The following DAGLA variants were observed in gnomAD, a reference collection of about 807,000 sequenced individuals.
DAGLA encodes diacylglycerol lipase alpha, also known as diacylglycerol lipase-alpha.
DAGLA carries 22 observed loss-of-function variants against 102.6 expected under a neutral mutation model. That is an observed-to-expected ratio of 0.21 (90% confidence interval 0.15 to 0.31). The LOEUF (loss-of-function observed/expected upper bound fraction) is 0.31, where lower values mean the gene tolerates loss of function less well. Ranked by LOEUF, DAGLA falls within the 10% of genes least tolerant of loss-of-function variation. The probability of loss-of-function intolerance (pLI) is 1.00; values close to 1 mark genes in which losing one functional copy is unlikely to be tolerated. For synonymous variants in DAGLA, 578 were observed against 628.9 expected (o/e 0.92, Z 1.21); for missense variants, 927 against 1,446.6 (o/e 0.64, Z 5.83).
intron 1 of DAGLA, among the ~76,000 whole-genome samples, chr11:61,717,926 CTT>C (rs1284590754): frequency 6.6e-6 from 1 of 152,234 alleles, no homozygotes; most frequent in African/African-American, 2.4e-5. Context: ...CGGCTCACTC[CTT>C]CCAGCCTGAG....
intron 1 of DAGLA, among the ~76,000 whole-genome samples, chr11:61,691,779 G>T (rs999204710): frequency 6.6e-6 from 1 of 152,214 alleles, no homozygotes; most frequent in Non-Finnish European, 1.5e-5. Context: ...CAGGCCAGAC[G>T]GTCTGGCTGC....
Position 61,734,449 on chromosome 11 carries a change from TG to T in DAGLA, c.975-396del, listed in dbSNP as rs1372026869. ...AAGCATCTGGGTGTTGGGGCAGGCC[TG>T]GGGTGGATTCCTGAGCATGCAGATG... On this transcript the variant is annotated intron_variant, in intron 9 of 19. Transcript: ENST00000257215. The surrounding 1 kb of genome is among the most constrained non-coding windows in gnomAD (Gnocchi z 4.2). 6.6e-6 allele frequency among the ~76,000 whole-genome samples: 1 copy of T among 151,964 alleles called. No individual in the cohort carries two copies. Among genetic ancestry groups the T allele is most frequent in the African/African-American group, 2.4e-5 (1 of 41,338 alleles).
intron 1 of DAGLA, among the ~76,000 whole-genome samples, chr11:61,682,038 G>C (rs2064946926): frequency 1.1e-5 from 1 of 91,822 alleles, no homozygotes; most frequent in South Asian, 4.6e-4. Context: ...TGATGTTGAG[G>C]GTAGGGTGGC....
chr11:61,738,831 C>A (rs1333488426), intron 16 of DAGLA, among the ~76,000 whole-genome samples: 1 of 152,176 alleles, frequency 6.6e-6, no homozygotes, highest in Admixed American at 6.5e-5. Flanking sequence ...ACCCCCTGCC[C>A]CCCGCCCCCT....
rs892853412 is a variant in DAGLA, at chr11:61,686,889, G to T, written c.-45+6385G>T. On this transcript the variant is annotated intron_variant, in intron 1 of 19. Transcript: ENST00000257215. The surrounding 1 kb of genome is among the most constrained non-coding windows in gnomAD (Gnocchi z 5.2). The stretch of plus-strand genomic sequence containing the variant: ...CTGCTCCTGATGGGCAGGCCACACC[G>T]TGGAGTGGGCTCCCTGGGGCTGCAC... Among the ~76,000 whole-genome samples the T allele has an allele frequency of 3.9e-5, 6 of 152,138 alleles. No individual in the cohort carries two copies. The highest frequency in any genetic ancestry group is 3.2e-3 in the Middle Eastern group (1 of 316).
chr11:61,688,438 A>G (rs753842183), intron 1 of DAGLA, among the ~76,000 whole-genome samples: 2 of 152,126 alleles, frequency 1.3e-5, no homozygotes, highest in African/African-American at 2.4e-5. Context: ...CCCACCCTCT[A>G]AGCCACCCCA....
chr11:61,710,120 G>T (rs1303698060), intron 1 of DAGLA, among the ~76,000 whole-genome samples: 1 of 152,118 alleles, frequency 6.6e-6, no homozygotes, highest in Non-Finnish European at 1.5e-5. Context: ...GAAGTGGAAG[G>T]TACTAATTCT....
At chr11:61,688,743 C>T (rs2065003841) in intron 1 of DAGLA, among the ~76,000 whole-genome samples, 1 of 152,194 alleles carries the variant, frequency 6.6e-6, no homozygotes, top group African/African-American at 2.4e-5. Flanking sequence ...GAGGATAGCT[C>T]GCCAGGCAGC....
intron 1 of DAGLA, among the ~76,000 whole-genome samples, chr11:61,695,050 G>A (rs973384815): frequency 1.3e-5 from 2 of 152,152 alleles, no homozygotes; most frequent in African/African-American, 4.8e-5. Flanking sequence ...CTGTGTACTC[G>A]CAAGCGTGTT....
chr11:61,739,784 C>T (rs1393069569), intron 17 of DAGLA, 123 bp downstream of exon 17: 1 of 1,008,224 alleles, frequency 9.9e-7, no homozygotes, highest in Non-Finnish European at 1.4e-6. Flanking sequence ...AGAAGATGGC[C>T]CAGGGCCTCC....
At chr11:61,736,077 C>T (rs1166545965) in intron 12 of DAGLA, among the ~76,000 whole-genome samples, 193 bp from the exon 13 acceptor site, 2 of 152,186 alleles carry the variant, frequency 1.3e-5, no homozygotes, top group Non-Finnish European at 2.9e-5. Context: ...CACACTGCCC[C>T]TCTGAGCCTC....
chr11:61,728,731 A>G (rs2065351265), intron 7 of DAGLA, among the ~76,000 whole-genome samples, 200 bp from the exon 8 acceptor site: 1 of 152,194 alleles, frequency 6.6e-6, no homozygotes, highest in Non-Finnish European at 1.5e-5. Context: ...TGTTTTGGGT[A>G]GAAGGGGAGC....
intron 3 of DAGLA, among the ~76,000 whole-genome samples, chr11:61,722,144 G>T (rs1406008918): frequency 1.3e-5 from 2 of 152,230 alleles, no homozygotes; most frequent in African/African-American, 2.4e-5. Context: ...AAGTGAACAC[G>T]CTCTCATCTA....
chr11:61,690,037 G>A (rs565640233), intron 1 of DAGLA, among the ~76,000 whole-genome samples: 1 of 152,230 alleles, frequency 6.6e-6, no homozygotes, highest in East Asian at 1.9e-4. Flanking sequence ...GCAGCCCACC[G>A]GGTCTGCAGA....
At chr11:61,740,706 C>T in intron 18 of DAGLA, 114 bp downstream of exon 18, 1 of 1,407,670 alleles carries the variant, frequency 7.1e-7, no homozygotes. Flanking sequence ...TGCTGGGGCT[C>T]AGAGAAGTAG....
Position 61,738,158 on chromosome 11 carries a change from G to C in DAGLA, c.1607G>C (p.Gly536Ala), listed in dbSNP as rs760941688. 1.2e-6 allele frequency: 2 copies of C among 1,613,616 alleles called. No individual in the cohort carries two copies. The highest frequency in any genetic ancestry group is 1.7e-6 in the Non-Finnish European group (2 of 1,180,004). Residue 536 changes from glycine (G) to alanine (A), a missense_variant, in exon 16 of 20, where the codon GGC becomes GCC. Around this residue, in one of 4 missense-constraint regions of DAGLA, gnomAD observed 218 missense variants for 459.6 expected, o/e 0.47. Coordinates refer to ENST00000257215, the MANE Select transcript of DAGLA (RefSeq NM_006133.3). ...AGGATTGGCCTCTCTCAGCTGGAAG[G>C]CTTCCGCAGACAGCTCCTGGATGTC... is the stretch of plus-strand genomic sequence containing the variant. ...VPRIGLSQLE[G>A]FRRQLLDVLQ...
intron 1 of DAGLA, among the ~76,000 whole-genome samples, chr11:61,704,186 C>T (rs544390997): frequency 1.3e-5 from 2 of 149,980 alleles, no homozygotes; most frequent in South Asian, 4.2e-4. Context: ...ATGGCACGAT[C>T]TCGGCTCATG....
intron 2 of DAGLA, 42 bp from the exon 3 acceptor site, chr11:61,720,637 A>G: frequency 6.3e-7 from 1 of 1,596,216 alleles, no homozygotes; most frequent in Non-Finnish European, 8.6e-7. Flanking sequence ...CTCGAGGTAC[A>G]GGGGCCACCT....
At chr11:61,737,780 G>A (rs1340320844) in intron 15 of DAGLA, 25 bp downstream of exon 15, 2 of 1,609,084 alleles carry the variant, frequency 1.2e-6, no homozygotes, top group Non-Finnish European at 1.7e-6. Context: ...CCGCTCCATG[G>A]TCCCTTGCCA....
Sources: allele counts gnomAD v4.1 joint callset (sites outside exome capture counted in the v4.1 genomes callset), GRCh38; gene constraint gnomAD v4.1.1; regional missense constraint gnomAD v4.1.1; non-coding constraint Gnocchi (gnomAD v3.1); transcripts MANE v1.5; gene names NCBI Gene and HGNC (gene_info 2026-07-23, HGNC 2026-07-21).